CACNA1C: variants seen among roughly 807,000 people sequenced by gnomAD.
The protein encoded by CACNA1C is calcium voltage-gated channel subunit alpha1 C.
A neutral mutation model predicts 229.0 loss-of-function variants in CACNA1C; 30 were observed. The ratio of observed to expected loss-of-function variants is 0.13; its 90% CI spans 0.10 to 0.18. The LOEUF (loss-of-function observed/expected upper bound fraction) is 0.18. Ranked by LOEUF, CACNA1C falls within the 10% of genes least tolerant of loss-of-function variation. The pLI, the probability that CACNA1C is intolerant of heterozygous loss-of-function variation, is 1.00. For synonymous variants in CACNA1C, 1,114 were observed against 1,132.5 expected (o/e 0.98, Z 0.33); for missense variants, 1,658 against 2,845.0 (o/e 0.58, Z 9.49).
intron 3 of CACNA1C, 74 bp from the exon 4 acceptor site, chr12:2,448,902 T>G (rs1331032369): frequency 7.8e-6 from 10 of 1,285,894 alleles, no homozygotes; most frequent in Non-Finnish European, 1.1e-5. Flanking sequence ...ACTTGTGAGA[T>G]CTACTGGTTC....
chr12:2,685,174 G>A (rs2097383795), intron 43 of CACNA1C, among the ~76,000 whole-genome samples: 1 of 152,000 alleles, frequency 6.6e-6, no homozygotes, highest in South Asian at 2.1e-4. Flanking sequence ...TTCTCATCGA[G>A]TTTCCATCAA....
At chr12:2,044,057 TTAA>T (rs1222591004) in intron 1 of CACNA1C, among the ~76,000 whole-genome samples, 2 of 152,210 alleles carry the variant, frequency 1.3e-5, no homozygotes, top group African/African-American at 2.4e-5. Context: ...GAGTTAGTGA[TTAA>T]TAATAAAATA....
intron 3 of CACNA1C, among the ~76,000 whole-genome samples, chr12:2,146,800 G>A (rs1230525656): frequency 6.6e-6 from 1 of 150,960 alleles, no homozygotes; most frequent in African/African-American, 2.4e-5. Flanking sequence ...GAATGGGTTT[G>A]TTATGACTTG....
rs3062140 is a variant in CACNA1C, at chr12:2,602,630, T to TTG, written c.2960+709_2960+710dup. Reference sequence around the variant, plus strand: ...GTGTGTGACTGTGTATATTTGTGTCTTGTGTGTGTGTGTGTGTGTGTGTGT... The same window carrying TTG: ...GTGTGTGACTGTGTATATTTGTGTCTTGTGTGTGTGTGTGTGTGTGTGTGTGT... On this transcript the variant is annotated intron_variant, in intron 22 of 46. Transcript: ENST00000399655. This position sits in a 1 kb window ranked among gnomAD's most constrained non-coding sequence, Gnocchi z 4.4. Among the ~76,000 whole-genome samples the TTG allele has an allele frequency of 6.6e-3, 924 of 140,876 alleles. 7 individuals carry two copies. The highest frequency in any genetic ancestry group is 0.021 in the African/African-American group (749 of 36,196). The allele number at this position is 140,876 out of a possible 152,430, so 92.4% of individuals were successfully genotyped here.
chr12:2,634,484 ATT>A (rs59658684), intron 30 of CACNA1C, 104 bp downstream of exon 30: 29 of 323,046 alleles, frequency 9.0e-5, no homozygotes, highest in South Asian at 1.4e-4. Context: ...CCACCTTCTT[ATT>A]TTTTTTTTTT....
intron 45 of CACNA1C, among the ~76,000 whole-genome samples, chr12:2,687,591 G>A (rs945518008): frequency 1.3e-5 from 2 of 151,248 alleles, no homozygotes; most frequent in African/African-American, 4.9e-5. Flanking sequence ...CCAGGCTGGA[G>A]TGCAATGGCA....
intron 29 of CACNA1C, among the ~76,000 whole-genome samples, chr12:2,618,726 G>A (rs894988451): frequency 2.0e-5 from 3 of 152,332 alleles, no homozygotes; most frequent in Non-Finnish European, 2.9e-5. Flanking sequence ...ATTTCAGAAC[G>A]TGTTCTTAAA....
At chr12:2,118,045 C>G (rs1448366808) in intron 2 of CACNA1C, among the ~76,000 whole-genome samples, 1 of 152,244 alleles carries the variant, frequency 6.6e-6, no homozygotes, top group East Asian at 1.9e-4. Flanking sequence ...TACCTGGGTT[C>G]TCTGCTTTTC....
intron 1 of CACNA1C, among the ~76,000 whole-genome samples, chr12:1,983,670 G>A (rs1250672035): frequency 3.3e-5 from 5 of 151,876 alleles, no homozygotes; most frequent in African/African-American, 7.3e-5. Flanking sequence ...AATGTTTCAC[G>A]TGCACTTGAG....
At position 2,104,360 on chromosome 12, in the gene CACNA1C, A is replaced by G. The variant is rs148469842; in HGVS notation, c.50-10864A>G. On this transcript the variant is annotated intron_variant, in intron 1 of 46. Coordinates refer to ENST00000399655, the MANE Select transcript of CACNA1C (RefSeq NM_000719.7). ...AGTTGTGAATGGGAGTTCACTCATG[A>G]TTTGGCTGTCTGTCCGTTATTGGTG... 5.6e-4 allele frequency among the ~76,000 whole-genome samples: 85 copies of G among 152,218 alleles called. 1 individual carries two copies. In the East Asian group the frequency reaches 0.016, roughly 29 times the overall value.
intron 3 of CACNA1C, among the ~76,000 whole-genome samples, chr12:2,128,632 C>T (rs1200118710): frequency 2.0e-5 from 3 of 152,158 alleles, no homozygotes; most frequent in South Asian, 2.1e-4. Flanking sequence ...AGGATGGTCT[C>T]GATCTCCTGA....
chr12:2,513,176 G>A (rs571135532), intron 9 of CACNA1C, among the ~76,000 whole-genome samples, 192 bp downstream of exon 9: 2 of 152,330 alleles, frequency 1.3e-5, no homozygotes, highest in South Asian at 4.1e-4. Context: ...AATCATAGCT[G>A]TCGATCTAGA....
At chr12:2,428,174 T>C (rs1282488310) in intron 3 of CACNA1C, among the ~76,000 whole-genome samples, 1 of 152,198 alleles carries the variant, frequency 6.6e-6, no homozygotes, top group African/African-American at 2.4e-5. Context: ...CCCAATTTTT[T>C]TCACTGACAT....
chr12:2,163,400 A>G (rs1040398251), intron 3 of CACNA1C, among the ~76,000 whole-genome samples: 1 of 152,054 alleles, frequency 6.6e-6, no homozygotes, highest in African/African-American at 2.4e-5. Context: ...GTAAATGGCC[A>G]AGGCAGGGTG....
chr12:2,315,030 T>G (rs539479780), intron 3 of CACNA1C, among the ~76,000 whole-genome samples: 1 of 152,336 alleles, frequency 6.6e-6, no homozygotes, highest in African/African-American at 2.4e-5. Context: ...AGGACTGCTA[T>G]TTCTTGATTC....
intron 13 of CACNA1C, among the ~76,000 whole-genome samples, chr12:2,576,488 C>T (rs1057465865): frequency 6.6e-6 from 1 of 152,176 alleles, no homozygotes; most frequent in Admixed American, 6.5e-5. Flanking sequence ...TGCTGCTGCT[C>T]GCTTCTCTCC....
At chr12:2,189,636 G>A (rs1368147603) in intron 3 of CACNA1C, among the ~76,000 whole-genome samples, 1 of 152,164 alleles carries the variant, frequency 6.6e-6, no homozygotes, top group Non-Finnish European at 1.5e-5. Context: ...ATCAGCGTGT[G>A]GAGTGGAAAC....
chr12:2,668,868 G>A (rs142066269), intron 37 of CACNA1C, 65 bp from the exon 38 acceptor site: 47 of 1,009,836 alleles, frequency 4.7e-5, no homozygotes, highest in African/African-American at 2.8e-4. Context: ...ACTCTGCCAC[G>A]GTGTTCTGCG....
At chr12:2,262,097 G>C (rs948350165) in intron 3 of CACNA1C, among the ~76,000 whole-genome samples, 4 of 152,254 alleles carry the variant, frequency 2.6e-5, no homozygotes, top group Non-Finnish European at 4.4e-5. Context: ...AAGGGGCACA[G>C]TGGAGTGCTT....
Sources: allele counts gnomAD v4.1 joint callset (sites outside exome capture counted in the v4.1 genomes callset), GRCh38; gene constraint gnomAD v4.1.1; non-coding constraint Gnocchi (gnomAD v3.1); transcripts MANE v1.5; gene names NCBI Gene and HGNC (gene_info 2026-07-23, HGNC 2026-07-21).